Variants in UQCRB observed in about 807,000 individuals in gnomAD.
UQCRB encodes the protein ubiquinol-cytochrome c reductase binding protein.
In UQCRB, 12 loss-of-function variants were observed where a neutral mutation model predicts 19.8. The ratio of observed to expected loss-of-function variants is 0.61; its 90% confidence interval spans 0.39 to 0.98. The LOEUF (loss-of-function observed/expected upper bound fraction) is 0.98. UQCRB is among the 50% of genes least tolerant of loss of function. The pLI is 0.00. For missense variants in UQCRB, 142 were observed against 131.8 expected (o/e 1.08, Z -0.38); for synonymous variants, 39 against 42.9 (o/e 0.91, Z 0.35).
At position 96,227,905 on chromosome 8, in the gene UQCRB, A is replaced by C. The variant is rs1258106630; in HGVS notation, c.*3150T>G. 1 of 454,062 alleles carries C rather than the reference A, an allele frequency of 2.2e-6. No homozygotes were observed. The highest frequency in any genetic ancestry group is 4.4e-6 in the Non-Finnish European group (1 of 226,812). 28.1% of individuals were successfully genotyped at this position (454,062 alleles called of 1,614,324 possible). A position where few individuals can be genotyped will look rare whatever the true frequency, so the allele number is the denominator to read the frequency against. On this transcript the variant is annotated 3_prime_UTR_variant, in exon 4 of 4. Transcript: ENST00000287022. Reference sequence around the variant, plus strand: ...AAAAGGTGCCATTAGTAAAAACTCCATCACTAACATTTTGGTACCACTCGT... The same window carrying C: ...AAAAGGTGCCATTAGTAAAAACTCCCTCACTAACATTTTGGTACCACTCGT...
In UQCRB at chr8:96,230,258, G is replaced by T. The variant is rs1327994130; in HGVS notation, c.*797C>A. 3 of 425,542 alleles carry T rather than the reference G, an allele frequency of 7.0e-6. No homozygotes were observed. Among genetic ancestry groups the T allele is most frequent in the Non-Finnish European group, 1.4e-5 (3 of 212,718 alleles). 26.4% of individuals were successfully genotyped at this position (425,542 alleles called of 1,614,324 possible). On this transcript the variant is annotated 3_prime_UTR_variant, in exon 4 of 4. Coordinates refer to ENST00000287022, the MANE Select transcript of UQCRB (RefSeq NM_006294.5). ...GCCTAGCTAATTTTTTGTATTTTTA[G>T]TAGAGACAGGGTTTCACCATGTTGG...
rs893665891 is a variant in UQCRB, at chr8:96,225,485, A to T, written c.*5570T>A. On this transcript the variant is annotated 3_prime_UTR_variant, in exon 4 of 4. Coordinates refer to ENST00000287022, the MANE Select transcript of UQCRB (RefSeq NM_006294.5). ...AATCTATCCAAACACTCTGCTGCTC[A>T]CAGGATGAAGTCCAGGCATCTCAAT... Among the ~76,000 whole-genome samples, 25 of 152,182 alleles carry T rather than the reference A, an allele frequency of 1.6e-4. No homozygotes were observed. Among genetic ancestry groups the T allele is most frequent in the African/African-American group, 6.0e-4 (25 of 41,442 alleles).
In UQCRB at chr8:96,229,907, T is replaced by A. The variant is rs764968822; in HGVS notation, c.*1148A>T. On this transcript the variant is annotated 3_prime_UTR_variant, in exon 4 of 4. Transcript: ENST00000287022. ...TGTAACACAAATTCGTTTTTCACAC[T>A]GTTTTGTTATTTGAGGTAAGGCATT... 5.5e-5 allele frequency: 11 copies of A among 201,442 alleles called. No homozygotes were observed. The highest frequency in any genetic ancestry group is 1.5e-3 in the Middle Eastern group (1 of 670). The allele number at this position is 201,442 out of a possible 1,614,324, so 12.5% of individuals were successfully genotyped here. A position where few individuals can be genotyped will look rare whatever the true frequency, so the allele number is the denominator to read the frequency against.
rs955168162 is a variant in UQCRB at position 96,227,000 on chromosome 8, G to A, written c.*4055C>T. On this transcript the variant is annotated 3_prime_UTR_variant, in exon 4 of 4. Transcript: ENST00000287022. The stretch of plus-strand genomic sequence containing the variant: ...GACCTGAGATCTCAGATTCTAACAT[G>A]TTATGGCTTTTAATATGAACGCCAG... The A allele has an allele frequency of 2.2e-6, 1 of 453,986 alleles. No homozygotes were observed. Among genetic ancestry groups the A allele is most frequent in the Non-Finnish European group, 4.4e-6 (1 of 226,766 alleles). The allele number at this position is 453,986 out of a possible 1,614,324, so 28.1% of individuals were successfully genotyped here.
chr8:96,235,301 C>A (rs1245540163), intron 1 of UQCRB: 2 of 677,374 alleles, frequency 3.0e-6, no homozygotes, highest in Non-Finnish European at 5.1e-6. Flanking sequence ...TCACAAACAG[C>A]GGGTTAACAT....
intron 2 of UQCRB, 39 bp from the exon 3 acceptor site, chr8:96,231,979 A>C (rs1372663188): frequency 6.2e-7 from 1 of 1,606,928 alleles, no homozygotes; most frequent in Admixed American, 1.7e-5. Context: ...CATGCATCTC[A>C]AAAATCGCGG....
chr8:96,229,281 C>T lies in UQCRB; in HGVS notation c.*1774G>A, dbSNP rs1354537351. The T allele has an allele frequency of 2.2e-6, 1 of 453,988 alleles. No homozygotes were observed. The highest frequency in any genetic ancestry group is 1.6e-5 in the South Asian group (1 of 64,400). 28.1% of individuals were successfully genotyped at this position (453,988 alleles called of 1,614,324 possible). On this transcript the variant is annotated 3_prime_UTR_variant, in exon 4 of 4. Transcript: ENST00000287022. ...TAGCCTGGGGGTTCCTGTTATACCTCAGTCTTGGTCAGTTCTATTTGTTCC... is the reference window on the plus strand; with the variant it reads ...TAGCCTGGGGGTTCCTGTTATACCTTAGTCTTGGTCAGTTCTATTTGTTCC...
rs1200143103 is a variant in UQCRB, at chr8:96,229,929, C to T, written c.*1126G>A. On this transcript the variant is annotated 3_prime_UTR_variant, in exon 4 of 4. Coordinates refer to ENST00000287022, the MANE Select transcript of UQCRB (RefSeq NM_006294.5). ...CACTGTTTTGTTATTTGAGGTAAGG[C>T]ATTCCTGCCACACACAGCAATGACT... 6.6e-6 allele frequency: 3 copies of T among 453,988 alleles called. No homozygotes were observed. The highest frequency in any genetic ancestry group is 1.3e-5 in the Non-Finnish European group (3 of 226,808). The allele number at this position is 453,988 out of a possible 1,614,324, so 28.1% of individuals were successfully genotyped here.
intron 3 of UQCRB, chr8:96,231,559 TAG>T: frequency 7.1e-7 from 1 of 1,411,434 alleles, no homozygotes. Context: ...CTCTCTATAT[TAG>T]AGACTTGCTT....
In UQCRB at chr8:96,232,951, A is replaced by T. The variant is rs147985054; in HGVS notation, c.91+205T>A. On this transcript the variant is annotated intron_variant, in intron 2 of 3. Coordinates refer to ENST00000287022, the MANE Select transcript of UQCRB (RefSeq NM_006294.5). ...CAAGTCGAACATTTTAGAGGCTTTCATCCCTCTTCTCTCAAAAAAACTTTA... is the reference window on the plus strand; with the variant it reads ...CAAGTCGAACATTTTAGAGGCTTTCTTCCCTCTTCTCTCAAAAAAACTTTA... The T allele has an allele frequency of 6.4e-4, 362 of 567,100 alleles. 1 individual carries two copies. The highest frequency in any genetic ancestry group is 6.2e-3 in the African/African-American group (327 of 52,836). 35.1% of individuals were successfully genotyped at this position (567,100 alleles called of 1,614,324 possible). A position where few individuals can be genotyped will look rare whatever the true frequency, so the allele number is the denominator to read the frequency against.
Position 96,229,004 on chromosome 8 carries a change from C to G in UQCRB, c.*2051G>C. ...TCACTGATGGATTAACAAATTCTCA[C>G]CCATTCACCTGTGTGAGCCAAATAC... On this transcript the variant is annotated 3_prime_UTR_variant, in exon 4 of 4. Coordinates refer to ENST00000287022, the MANE Select transcript of UQCRB (RefSeq NM_006294.5). 2.2e-6 allele frequency: 1 copy of G among 454,076 alleles called. No homozygotes were observed. Among genetic ancestry groups the G allele is most frequent in the Non-Finnish European group, 4.4e-6 (1 of 226,784 alleles). 28.1% of individuals were successfully genotyped at this position (454,076 alleles called of 1,614,324 possible). A position where few individuals can be genotyped will look rare whatever the true frequency, so the allele number is the denominator to read the frequency against.
Position 96,227,268 on chromosome 8 carries a change from T to C in UQCRB, c.*3787A>G, listed in dbSNP as rs1461141290. On this transcript the variant is annotated 3_prime_UTR_variant, in exon 4 of 4. Coordinates refer to ENST00000287022, the MANE Select transcript of UQCRB (RefSeq NM_006294.5). ...ATTACATCAGTATATAGCTTAGTAG[T>C]AAATTCTCCTGATGGCCATAAACCT... 2.2e-6 allele frequency: 1 copy of C among 453,980 alleles called. No individual in the cohort carries two copies. Among genetic ancestry groups the C allele is most frequent in the Non-Finnish European group, 4.4e-6 (1 of 226,778 alleles). 28.1% of individuals were successfully genotyped at this position (453,980 alleles called of 1,614,324 possible).
In UQCRB at chr8:96,230,092, T is replaced by C. The variant is rs1192766865; in HGVS notation, c.*963A>G. On this transcript the variant is annotated 3_prime_UTR_variant, in exon 4 of 4. Transcript: ENST00000287022. ...ATGACAACATTGAATAATCCTAATT[T>C]TTTTTTTGAGACAGTCAATGTCGCT... The C allele has an allele frequency of 2.2e-6, 1 of 453,976 alleles. No individual in the cohort carries two copies. Among genetic ancestry groups the C allele is most frequent in the Non-Finnish European group, 4.4e-6 (1 of 226,790 alleles). The allele number at this position is 453,976 out of a possible 1,614,324, so 28.1% of individuals were successfully genotyped here. A position where few individuals can be genotyped will look rare whatever the true frequency, so the allele number is the denominator to read the frequency against.
At position 96,226,869 on chromosome 8, in the gene UQCRB, A is replaced by G. The variant is rs1191338859; in HGVS notation, c.*4186T>C. 6 of 452,544 alleles carry G rather than the reference A, an allele frequency of 1.3e-5. No individual in the cohort carries two copies. The highest frequency in any genetic ancestry group is 4.4e-6 in the Non-Finnish European group (1 of 226,312). 28.0% of individuals were successfully genotyped at this position (452,544 alleles called of 1,614,324 possible). ...CTGGAATATTAACAGGCTTTCTGAC[A>G]TCTATGCTAAAAATTAACCACCGTA... On this transcript the variant is annotated 3_prime_UTR_variant, in exon 4 of 4. Transcript: ENST00000287022.
Position 96,228,467 on chromosome 8 carries a change from A to G in UQCRB, c.*2588T>C, listed in dbSNP as rs1231437757. 4.4e-6 allele frequency: 2 copies of G among 453,982 alleles called. No individual in the cohort carries two copies. Among genetic ancestry groups the G allele is most frequent in the African/African-American group, 2.0e-5 (1 of 49,998 alleles). 28.1% of individuals were successfully genotyped at this position (453,982 alleles called of 1,614,324 possible). ...CAAGGAGGTGACACCCAAGGGGAGT[A>G]GATGAACCAGAAACAAGAGTGCCAC... On this transcript the variant is annotated 3_prime_UTR_variant, in exon 4 of 4. Transcript: ENST00000287022.
At position 96,230,751 on chromosome 8, in the gene UQCRB, CG is replaced by C. The variant is rs1563537044; in HGVS notation, c.*303del. ...GTAGCTTCCATAAGGATGTAACTTA[CG>C]GAAGTTATATCCTTCCATAAACTGA... On this transcript the variant is annotated 3_prime_UTR_variant, in exon 4 of 4. Coordinates refer to ENST00000287022, the MANE Select transcript of UQCRB (RefSeq NM_006294.5). 1.9e-6 allele frequency: 1 copy of C among 534,964 alleles called. No individual in the cohort carries two copies. Among genetic ancestry groups the C allele is most frequent in the Non-Finnish European group, 3.6e-6 (1 of 279,014 alleles). The allele number at this position is 534,964 out of a possible 1,614,324, so 33.1% of individuals were successfully genotyped here.
At chr8:96,234,840 A>G in intron 1 of UQCRB, 1 of 76,614 alleles carries the variant, frequency 1.3e-5, no homozygotes, top group East Asian at 2.7e-4. Context: ...GAGATTAGCA[A>G]AAAAAAAAAA....
chr8:96,224,083 G>C lies in UQCRB; in HGVS notation c.*6972C>G, dbSNP rs1436848654. ...AAGTAGCAGCACTTGGTGCTCTCATGGGGCAACCTAGCCATTCTCAAGGGC... is the reference window on the plus strand; with the variant it reads ...AAGTAGCAGCACTTGGTGCTCTCATCGGGCAACCTAGCCATTCTCAAGGGC... On this transcript the variant is annotated 3_prime_UTR_variant, in exon 4 of 4. Transcript: ENST00000287022. Among the ~76,000 whole-genome samples the C allele has an allele frequency of 1.3e-5, 2 of 152,206 alleles. No homozygotes were observed. Among genetic ancestry groups the C allele is most frequent in the African/African-American group, 4.8e-5 (2 of 41,462 alleles).
rs560321782 is a variant in UQCRB at position 96,229,777 on chromosome 8, G to A, written c.*1278C>T. The A allele has an allele frequency of 2.2e-5, 10 of 452,114 alleles. No individual in the cohort carries two copies. Among genetic ancestry groups the A allele is most frequent in the African/African-American group, 1.8e-4 (9 of 49,928 alleles). 28.0% of individuals were successfully genotyped at this position (452,114 alleles called of 1,614,324 possible). ...ACGACCAGCGAAAGGAAAAAAAAAA[G>A]CGGGGGAGGGGGTTCCTAGAGAATT... On this transcript the variant is annotated 3_prime_UTR_variant, in exon 4 of 4. Coordinates refer to ENST00000287022, the MANE Select transcript of UQCRB (RefSeq NM_006294.5).
Sources: gnomAD v4.1 joint callset for allele counts (sites outside exome capture counted in the v4.1 genomes callset) on GRCh38, gnomAD v4.1.1 for gene constraint, MANE v1.5 for transcripts, NCBI Gene and HGNC (gene_info 2026-07-23, HGNC 2026-07-21) for gene names.